The following CNRIP1 variants were observed in gnomAD, a reference collection of about 807,000 sequenced individuals.
CNRIP1 encodes cannabinoid receptor interacting protein 1.
CNRIP1 carries 10 observed loss-of-function variants against 15.2 expected under a neutral mutation model. The observed-to-expected ratio is 0.66, with a 90% CI of 0.41 to 1.12. CNRIP1 has a LOEUF of 1.12. Among genes scored for constraint, CNRIP1 ranks in the 50% most tolerant of loss-of-function variants. The pLI is 0.00. For synonymous variants in CNRIP1, 91 were observed against 83.2 expected (o/e 1.09, Z -0.51); for missense variants, 211 against 214.7 (o/e 0.98, Z 0.11).
downstream of CNRIP1, chr2:68,292,963 C>T: frequency 1.1e-6 from 1 of 935,062 alleles, no homozygotes; most frequent in Non-Finnish European, 1.3e-6. Flanking sequence ...AGCAGGGATT[C>T]ACCTGCTAGA....
At position 68,293,835 on chromosome 2, in the gene CNRIP1, G is replaced by A; in HGVS notation, c.*27C>T. 6 of 1,609,848 alleles carry A rather than the reference G, an allele frequency of 3.7e-6. No homozygotes were observed. The highest frequency in any genetic ancestry group is 5.1e-6 in the Non-Finnish European group (6 of 1,176,742). ...CTAAAAGTAGATTTCTGAAAAGATT[G>A]TCCAGTAGCATCAGAAAGAGCCACT... On this transcript the variant is annotated 3_prime_UTR_variant, in exon 3 of 3. Transcript: ENST00000263655.
intron 2 of CNRIP1, among the ~76,000 whole-genome samples, chr2:68,302,695 G>A (rs1159351775): frequency 2.6e-5 from 4 of 152,090 alleles, no homozygotes; most frequent in African/African-American, 4.8e-5. Flanking sequence ...ATGGGCAGTG[G>A]CAAATCAAGG....
chr2:68,303,165 T>G (rs1210931921), intron 2 of CNRIP1, among the ~76,000 whole-genome samples: 3 of 152,108 alleles, frequency 2.0e-5, no homozygotes, highest in Non-Finnish European at 4.4e-5. Flanking sequence ...TTTAAACTAC[T>G]TGGTATCAAC....
intron 1 of CNRIP1, among the ~76,000 whole-genome samples, 159 bp from the exon 2 acceptor site, chr2:68,317,466 C>A (rs1297782174): frequency 6.6e-6 from 1 of 152,200 alleles, no homozygotes; most frequent in Non-Finnish European, 1.5e-5. Context: ...AGTGCTTCTC[C>A]TATTTATGAA....
chr2:68,287,360 T>C (rs187112066), intron 2 of CNRIP1, among the ~76,000 whole-genome samples: 1 of 152,278 alleles, frequency 6.6e-6, no homozygotes, highest in East Asian at 1.9e-4. Context: ...AAAAAGCAGA[T>C]TGATACAACA....
chr2:68,286,131 T>C (rs1671025124), intron 2 of CNRIP1, among the ~76,000 whole-genome samples: 1 of 152,118 alleles, frequency 6.6e-6, no homozygotes, highest in Non-Finnish European at 1.5e-5. Flanking sequence ...CACAATAAAC[T>C]CTCTGAGTGG....
At chr2:68,292,447 G>T (rs1244025620), downstream of CNRIP1, among the ~76,000 whole-genome samples, 1 of 152,116 alleles carries the variant, frequency 6.6e-6, no homozygotes, top group Non-Finnish European at 1.5e-5. Context: ...CCAGTAGCTT[G>T]CATTTTCTTA....
intron 2 of CNRIP1, among the ~76,000 whole-genome samples, chr2:68,296,893 C>T (rs1244796095): frequency 6.6e-6 from 1 of 152,068 alleles, no homozygotes; most frequent in Admixed American, 6.5e-5. Flanking sequence ...CCCACCTCGG[C>T]CTCCCAAAGT....
downstream of CNRIP1, chr2:68,292,959 GAT>G (rs1671214995): frequency 1.1e-6 from 1 of 917,566 alleles, no homozygotes; most frequent in Non-Finnish European, 1.3e-6. Flanking sequence ...CTAGAGCAGG[GAT>G]TCACCTGCTA....
intron 2 of CNRIP1, among the ~76,000 whole-genome samples, chr2:68,302,208 T>C (rs771328968): frequency 2.6e-5 from 4 of 152,226 alleles, no homozygotes; most frequent in Non-Finnish European, 5.9e-5. Flanking sequence ...ACATTTCTAA[T>C]AATTTGTTGT....
At chr2:68,297,318 G>A (rs943409169) in intron 2 of CNRIP1, among the ~76,000 whole-genome samples, 1 of 152,114 alleles carries the variant, frequency 6.6e-6, no homozygotes, top group African/African-American at 2.4e-5. Context: ...TGTAATGCCA[G>A]CACTTTGGGA....
At chr2:68,290,759 T>C (rs1362182245), downstream of CNRIP1, among the ~76,000 whole-genome samples, 1 of 152,244 alleles carries the variant, frequency 6.6e-6, no homozygotes, top group Non-Finnish European at 1.5e-5. Flanking sequence ...GGGATCTTTA[T>C]TTTTTGGCAT....
chr2:68,289,357 G>A (rs972535219), downstream of CNRIP1, among the ~76,000 whole-genome samples: 2 of 151,820 alleles, frequency 1.3e-5, no homozygotes, highest in Non-Finnish European at 1.5e-5. Context: ...AGAGTATAAC[G>A]TTTGGCCATT....
downstream of CNRIP1, among the ~76,000 whole-genome samples, chr2:68,290,599 G>A (rs1671143267): frequency 6.6e-6 from 1 of 151,994 alleles, no homozygotes; most frequent in African/African-American, 2.4e-5. Flanking sequence ...TCTACAAATT[G>A]TCTTCTTCCC....
chr2:68,305,617 A>G (rs1378831550), intron 2 of CNRIP1, among the ~76,000 whole-genome samples: 1 of 151,386 alleles, frequency 6.6e-6, no homozygotes, highest in Non-Finnish European at 1.5e-5. Flanking sequence ...AACACGGTGA[A>G]ACCCCGTCTC....
At chr2:68,285,951 G>T (rs1398212632) in intron 2 of CNRIP1, among the ~76,000 whole-genome samples, 2 of 152,172 alleles carry the variant, frequency 1.3e-5, no homozygotes. Context: ...CTATAGAAAA[G>T]TTAAAGATAG....
At chr2:68,317,410 A>C in intron 1 of CNRIP1, 103 bp from the exon 2 acceptor site, 2 of 1,250,672 alleles carry the variant, frequency 1.6e-6, no homozygotes, top group Non-Finnish European at 2.3e-6. Context: ...GGTTTCACTA[A>C]GGGGGGCATT....
intron 2 of CNRIP1, among the ~76,000 whole-genome samples, chr2:68,310,224 C>T (rs528739619): frequency 1.6e-4 from 25 of 152,222 alleles, no homozygotes; most frequent in Non-Finnish European, 2.8e-4. Context: ...GCTACTCTGG[C>T]GGCTGAGGCA....
chr2:68,295,190 G>A (rs1671302923), intron 2 of CNRIP1, among the ~76,000 whole-genome samples: 1 of 152,240 alleles, frequency 6.6e-6, no homozygotes, highest in East Asian at 1.9e-4. Context: ...GAGGAAGGCA[G>A]TGAGCATTAG....
Sources: allele counts gnomAD v4.1 joint callset (sites outside exome capture counted in the v4.1 genomes callset), GRCh38; gene constraint gnomAD v4.1.1; transcripts MANE v1.5; gene names NCBI Gene and HGNC (gene_info 2026-07-23, HGNC 2026-07-21).